The following RAI14 variants were observed in gnomAD, a reference collection of about 807,000 sequenced individuals.
The protein encoded by RAI14 is ankycorbin.
In RAI14, 45 loss-of-function variants were observed where a neutral mutation model predicts 115.4. The observed-to-expected ratio is 0.39, with a 90% CI of 0.31 to 0.50. The LOEUF (loss-of-function observed/expected upper bound fraction) is 0.50, where lower values mean the gene tolerates loss of function less well. Among genes scored for constraint, RAI14 ranks in the 20% least tolerant of loss-of-function variants. The probability of loss-of-function intolerance (pLI) is 0.85; values close to 1 mark genes in which losing one functional copy is unlikely to be tolerated. For synonymous variants in RAI14, 371 were observed against 415.4 expected (o/e 0.89, Z 1.30); for missense variants, 939 against 1,131.2 (o/e 0.83, Z 2.44).
chr5:34,706,104 G>A (rs1337415333), intron 2 of RAI14, among the ~76,000 whole-genome samples: 1 of 152,020 alleles, frequency 6.6e-6, no homozygotes, highest in African/African-American at 2.4e-5. Context: ...TTTTTTTTCT[G>A]TGAAGGTTTT....
chr5:34,800,493 A>T (rs563252055), intron 4 of RAI14, among the ~76,000 whole-genome samples: 1 of 152,324 alleles, frequency 6.6e-6, no homozygotes, highest in Non-Finnish European at 1.5e-5. Context: ...TCACTAAAAT[A>T]GTATTTCGTC....
intron 2 of RAI14, among the ~76,000 whole-genome samples, chr5:34,689,344 A>G (rs1738274409): frequency 6.6e-6 from 1 of 152,098 alleles, no homozygotes. Flanking sequence ...GGTCAAGGCT[A>G]CAGTGAATTG....
At chr5:34,778,274 T>A (rs1383821853) in intron 3 of RAI14, among the ~76,000 whole-genome samples, 1 of 152,216 alleles carries the variant, frequency 6.6e-6, no homozygotes, top group Non-Finnish European at 1.5e-5. Context: ...AATGCAGCTT[T>A]TGATTCAGTA....
chr5:34,778,824 C>T (rs557495639), intron 3 of RAI14, among the ~76,000 whole-genome samples: 12 of 151,100 alleles, frequency 7.9e-5, no homozygotes, highest in African/African-American at 2.2e-4. Context: ...AATGACATTT[C>T]GTGTCTTTGA....
intron 1 of RAI14, among the ~76,000 whole-genome samples, chr5:34,665,847 G>A (rs1001834201): frequency 2.0e-5 from 3 of 152,136 alleles, no homozygotes; most frequent in East Asian, 1.9e-4. Context: ...CCCACAGTTC[G>A]AAAACCTATC....
chr5:34,755,935 G>A (rs72730575), intron 2 of RAI14, among the ~76,000 whole-genome samples: 12,688 of 152,278 alleles, frequency 0.083, 686 homozygotes, highest in Non-Finnish European at 0.12. Flanking sequence ...GTAAGTGTCA[G>A]TCTGGAGTTC....
chr5:34,698,433 G>A (rs530390021), intron 2 of RAI14, among the ~76,000 whole-genome samples: 13 of 151,760 alleles, frequency 8.6e-5, no homozygotes, highest in South Asian at 4.2e-4. Flanking sequence ...GTCTCAAAAC[G>A]TCCCATCTAG....
Position 34,726,343 on chromosome 5 carries a change from T to C in RAI14, c.37-31125T>C, listed in dbSNP as rs185402207. Among the ~76,000 whole-genome samples, 401 of 152,250 alleles carry C rather than the reference T, an allele frequency of 2.6e-3. 5 individuals carry two copies. Among genetic ancestry groups the C allele is most frequent in the Non-Finnish European group, 3.6e-3 (243 of 68,010 alleles). On this transcript the variant is annotated intron_variant, in intron 2 of 17. Coordinates refer to ENST00000265109, the MANE Select transcript of RAI14 (RefSeq NM_015577.3). ...GCCTGGGGAGGCCTCATGAAACTTA[T>C]GGTGGAAGGGTGAAGGGGAAGCAAG...
chr5:34,700,512 A>G (rs756589098), intron 2 of RAI14, among the ~76,000 whole-genome samples: 8 of 152,232 alleles, frequency 5.3e-5, no homozygotes, highest in South Asian at 4.1e-4. Context: ...TTCCTACACT[A>G]GTCATTGTGT....
Position 34,796,021 on chromosome 5 carries a change from A to G in RAI14, c.250A>G (p.Thr84Ala). The G allele has an allele frequency of 6.2e-7, 1 of 1,608,586 alleles. No individual in the cohort carries two copies. The change falls in exon 4 of 18, where the codon ACT (threonine) becomes GCT (alanine). Residue 84 changes from threonine (T) to alanine (A), a missense_variant. Transcript: ENST00000265109. ...TGGTGTGGATGTGACAGCCCAAGAT[A>G]CTACCGGTATGTGGTTTTTAGTCTC... The part of the protein sequence containing the change: ...THGVDVTAQD[T>A]TGHSALHLAA...
intron 2 of RAI14, among the ~76,000 whole-genome samples, chr5:34,744,666 G>A (rs1745940925): frequency 6.6e-6 from 1 of 152,208 alleles, no homozygotes; most frequent in Non-Finnish European, 1.5e-5. Context: ...TAGGCAAGAT[G>A]CTTATATTTT....
At chr5:34,742,539 A>G (rs998732803) in intron 2 of RAI14, among the ~76,000 whole-genome samples, 1 of 152,196 alleles carries the variant, frequency 6.6e-6, no homozygotes, top group South Asian at 2.1e-4. Context: ...AATCATAAAA[A>G]TGTGTTTTCT....
At position 34,656,335 on chromosome 5, in the gene RAI14, C is replaced by T. The variant is rs1353767262; in HGVS notation, c.-189C>T. 1 of 151,950 alleles carries T rather than the reference C, an allele frequency of 6.6e-6. No individual in the cohort carries two copies. The highest frequency in any genetic ancestry group is 1.5e-5 in the Non-Finnish European group (1 of 67,960). 9.4% of individuals were successfully genotyped at this position (151,950 alleles called of 1,614,324 possible). ...CCCGGGAGCTCGGCGCCCACTGACC[C>T]CCGCAGCGGGGGAGGAGGAGGGACT... is the stretch of plus-strand genomic sequence containing the variant. On this transcript the variant is annotated 5_prime_UTR_variant, in exon 1 of 18. Coordinates refer to ENST00000265109, the MANE Select transcript of RAI14 (RefSeq NM_015577.3).
intron 2 of RAI14, among the ~76,000 whole-genome samples, chr5:34,749,782 T>C (rs1277498463): frequency 1.3e-5 from 2 of 152,232 alleles, no homozygotes; most frequent in African/African-American, 2.4e-5. Flanking sequence ...CTCTGCAGCA[T>C]AACATATGGC....
At chr5:34,720,220 C>T (rs193198323) in intron 2 of RAI14, among the ~76,000 whole-genome samples, 86 of 151,940 alleles carry the variant, frequency 5.7e-4, no homozygotes, top group African/African-American at 2.0e-3. Flanking sequence ...AAAGAAGTTT[C>T]GCAGAAAAAG....
At chr5:34,773,119 C>CAAGTTTGA (rs1400737007) in intron 3 of RAI14, among the ~76,000 whole-genome samples, 1 of 151,988 alleles carries the variant, frequency 6.6e-6, no homozygotes, top group Non-Finnish European at 1.5e-5. Context: ...AGTTTGTTTT[C>CAAGTTTGA]AAACAAACTT....
intron 6 of RAI14, among the ~76,000 whole-genome samples, chr5:34,808,343 C>A (rs1381146899): frequency 6.6e-6 from 1 of 152,214 alleles, no homozygotes; most frequent in African/African-American, 2.4e-5. Flanking sequence ...AAAACCTGAG[C>A]CAAATATTTG....
intron 3 of RAI14, among the ~76,000 whole-genome samples, chr5:34,758,416 A>G (rs1748182878): frequency 6.6e-6 from 1 of 152,240 alleles, no homozygotes; most frequent in Non-Finnish European, 1.5e-5. Context: ...TGAAACACAA[A>G]GTGGTAATAT....
chr5:34,707,041 A>G (rs934499394), intron 2 of RAI14, among the ~76,000 whole-genome samples: 5 of 152,248 alleles, frequency 3.3e-5, no homozygotes, highest in African/African-American at 1.2e-4. Context: ...TTACTTTCAG[A>G]TAGCATCAAA....
Sources: allele counts gnomAD v4.1 joint callset (sites outside exome capture counted in the v4.1 genomes callset), GRCh38; gene constraint gnomAD v4.1.1; transcripts MANE v1.5; gene names NCBI Gene and HGNC (gene_info 2026-07-23, HGNC 2026-07-21).